FREM3: variants seen among roughly 807,000 people sequenced by gnomAD.
FREM3 encodes the protein FRAS1-related extracellular matrix protein 3.
In FREM3, 105 loss-of-function variants were observed where a neutral mutation model predicts 129.1. The ratio of observed to expected loss-of-function variants is 0.81; its 90% CI spans 0.69 to 0.96. The LOEUF is 0.96. FREM3 is among the 40% of genes least tolerant of loss of function. FREM3 has a pLI of 0.00. For synonymous variants in FREM3, 1,014 were observed against 1,044.9 expected, an observed-to-expected ratio of 0.97 and a Z score of 0.57; for missense variants, 2,593 against 2,666.3, an observed-to-expected ratio of 0.97 and a Z score of 0.61.
At position 143,577,366 on chromosome 4, in the gene FREM3, G is replaced by A. The variant is rs942033122; in HGVS notation, c.*245C>T. The A allele has an allele frequency of 4.4e-5, 22 of 498,928 alleles. No individual in the cohort carries two copies. The highest frequency in any genetic ancestry group is 2.3e-4 in the African/African-American group (12 of 51,528). The allele number at this position is 498,928 out of a possible 1,614,324, so 30.9% of individuals were successfully genotyped here. A position where few individuals can be genotyped will look rare whatever the true frequency, so the allele number is the denominator to read the frequency against. ...ATTTCTTACTTGCCTCAGAAACAAA[G>A]TAAAACAAAATAGAAAAAGAACATG... On this transcript the variant is annotated 3_prime_UTR_variant, in exon 8 of 8. Transcript: ENST00000329798.
intron 7 of FREM3, among the ~76,000 whole-genome samples, chr4:143,584,085 TC>T (rs1738194641): frequency 6.6e-6 from 1 of 152,144 alleles, no homozygotes; most frequent in South Asian, 2.1e-4. Flanking sequence ...GCAATGACAG[TC>T]ATAGGTTCAA....
At chr4:143,629,498 C>T (rs1739100973) in intron 2 of FREM3, among the ~76,000 whole-genome samples, 1 of 152,058 alleles carries the variant, frequency 6.6e-6, no homozygotes, top group Non-Finnish European at 1.5e-5. Context: ...ATTATTGATA[C>T]TATTGTGGAT....
In FREM3 at chr4:143,681,362, A is replaced by T. The variant is rs1477590690; in HGVS notation, c.5275+11751T>A. 2.0e-5 allele frequency among the ~76,000 whole-genome samples: 3 copies of T among 152,090 alleles called. No homozygotes were observed. In the South Asian group the frequency reaches 6.2e-4, roughly 32 times the overall value. On this transcript the variant is annotated intron_variant, in intron 2 of 7. Transcript: ENST00000329798. ...AAGTGGAAGAGACCCATTTAGTGTT[A>T]TATATAGTAGAGATGTGAAAATTTT...
chr4:143,644,766 C>A lies in FREM3; in HGVS notation c.5276-17006G>T, dbSNP rs188569254. 2.9e-3 allele frequency among the ~76,000 whole-genome samples: 443 copies of A among 152,162 alleles called. 9 individuals carry two copies. The highest frequency in any genetic ancestry group is 4.4e-3 in the Non-Finnish European group (299 of 67,994). ...CAAAGAACATATAAACTTTATAGTA[C>A]AAGCTATACAACAAAAATATGACTG... is the stretch of plus-strand genomic sequence containing the variant. On this transcript the variant is annotated intron_variant, in intron 2 of 7. Transcript: ENST00000329798.
intron 7 of FREM3, among the ~76,000 whole-genome samples, chr4:143,584,150 C>T (rs963195127): frequency 6.6e-6 from 1 of 152,192 alleles, no homozygotes; most frequent in Non-Finnish European, 1.5e-5. Flanking sequence ...TGGCTCACGC[C>T]TGTAATCCCA....
intron 2 of FREM3, among the ~76,000 whole-genome samples, chr4:143,643,263 T>C (rs1295028726): frequency 6.6e-6 from 1 of 152,122 alleles, no homozygotes; most frequent in East Asian, 1.9e-4. Flanking sequence ...ATCCCACTGC[T>C]GGGTATATAT....
Position 143,698,700 on chromosome 4 carries a change from T to C in FREM3, c.1976A>G (p.His659Arg), listed in dbSNP as rs1220982701. The C allele has an allele frequency of 1.3e-5, 20 of 1,537,430 alleles. No individual in the cohort carries two copies. In the East Asian group the frequency reaches 4.4e-4, roughly 34 times the overall value. Residue 659 changes from histidine to arginine, a missense_variant, in exon 1 of 8, where the codon CAT (histidine) becomes CGT (arginine). Coordinates refer to ENST00000329798, the MANE Select transcript of FREM3 (RefSeq NM_001168235.2). ...AGATTGAGGGCTGTGTGGTCCAAGA[T>C]GGCGGTAGAAGAGTCTCCCTTCCAT... ...DIMEGRLFYR[H>R]LGPHSPQSVM...
chr4:143,699,873 A>G lies in FREM3; in HGVS notation c.803T>C (p.Met268Thr), dbSNP rs568263666. 1.2e-3 allele frequency: 1,847 copies of G among 1,536,544 alleles called. 4 individuals are homozygous for G. The highest frequency in any genetic ancestry group is 1.5e-3 in the Non-Finnish European group (1,698 of 1,146,862). Reference sequence around the variant, plus strand: ...GCCCTCAGGCCCCAGCAGCTCCACCATCATGGGCACGTAGTCACGGTTGGG... The same window carrying G: ...GCCCTCAGGCCCCAGCAGCTCCACCGTCATGGGCACGTAGTCACGGTTGGG... ...SSPNRDYVPM[M>T]VELLGPEGQD... is the part of the protein sequence containing the mutation. The change falls in exon 1 of 8, where the codon ATG becomes ACG. Residue 268 changes from methionine (M) to threonine (T), a missense_variant. By Grantham distance (81) the Met-to-Thr change is moderately conservative (BLOSUM62 -1). Around this residue, in one of 2 missense-constraint regions of FREM3, gnomAD observed 2,276 missense variants for 2,267.2 expected, o/e 1.00. Coordinates refer to ENST00000329798, the MANE Select transcript of FREM3 (RefSeq NM_001168235.2). This position sits in a 1 kb window ranked among gnomAD's most constrained non-coding sequence, Gnocchi z 4.2.
chr4:143,644,521 C>T lies in FREM3; in HGVS notation c.5276-16761G>A, dbSNP rs190529992. On this transcript the variant is annotated intron_variant, in intron 2 of 7. Transcript: ENST00000329798. ...GATAAAATCTCAAGGTAATGCTTCACTTCCACATCTTTAATTGAACACAGA... is the reference window on the plus strand; with the variant it reads ...GATAAAATCTCAAGGTAATGCTTCATTTCCACATCTTTAATTGAACACAGA... Among the ~76,000 whole-genome samples, 27 of 152,244 alleles carry T rather than the reference C, an allele frequency of 1.8e-4. No individual in the cohort carries two copies. The East Asian group carries it at 5.2e-3, about 29-fold the overall frequency.
At chr4:143,681,226 C>G (rs1740243007) in intron 2 of FREM3, among the ~76,000 whole-genome samples, 1 of 151,876 alleles carries the variant, frequency 6.6e-6, no homozygotes, top group African/African-American at 2.4e-5. Context: ...TTCCTTAAGC[C>G]CATTTTGTCA....
At chr4:143,639,436 TTCCCCA>T (rs1454081513) in intron 2 of FREM3, among the ~76,000 whole-genome samples, 2 of 152,144 alleles carry the variant, frequency 1.3e-5, no homozygotes, top group Admixed American at 1.3e-4. Context: ...AGGGCATCGT[TTCCCCA>T]TCCCTCAGAT....
rs547641433 is a variant in FREM3, at chr4:143,674,124, A to G, written c.5275+18989T>C. On this transcript the variant is annotated intron_variant, in intron 2 of 7. Transcript: ENST00000329798. ...CAGCACCCACTGTCCAACAAGCCCCAGTGAGATGAACCCGGTACCTCAGTT... is the reference window on the plus strand; with the variant it reads ...CAGCACCCACTGTCCAACAAGCCCCGGTGAGATGAACCCGGTACCTCAGTT... Among the ~76,000 whole-genome samples the G allele has an allele frequency of 1.6e-4, 24 of 152,302 alleles. 1 individual carries two copies. The South Asian group carries it at 3.5e-3, about 22-fold the overall frequency.
intron 2 of FREM3, among the ~76,000 whole-genome samples, chr4:143,634,157 T>G (rs1739193522): frequency 2.0e-5 from 3 of 152,074 alleles, no homozygotes; most frequent in African/African-American, 7.2e-5. Context: ...TTTGATGTGA[T>G]GATAAGAAGC....
intron 2 of FREM3, among the ~76,000 whole-genome samples, chr4:143,663,975 C>T (rs1010132026): frequency 6.6e-6 from 1 of 152,076 alleles, no homozygotes; most frequent in African/African-American, 2.4e-5. Context: ...TTATTCTAGT[C>T]ATACATTCAT....
At position 143,627,704 on chromosome 4, in the gene FREM3, C is replaced by T; in HGVS notation, c.5332G>A (p.Glu1778Lys). The T allele has an allele frequency of 1.3e-6, 2 of 1,534,360 alleles. No homozygotes were observed. Among genetic ancestry groups the T allele is most frequent in the Non-Finnish European group, 1.7e-6 (2 of 1,144,380 alleles). ...TCATCCACAATGTAGTACTCTTTCT[C>T]CAAACAAATCCAAGCCCAGTTTAGA... ...FHLNWAWICL[E>K]KEYYIVDEDS... Residue 1778 changes from glutamate to lysine, a missense_variant, in exon 3 of 8, where the codon GAG (glutamate) becomes AAG (lysine). By Grantham distance (56) the Glu-to-Lys change is moderately conservative (BLOSUM62 1). Coordinates refer to ENST00000329798, the MANE Select transcript of FREM3 (RefSeq NM_001168235.2).
Position 143,698,498 on chromosome 4 carries a change from A to G in FREM3, c.2178T>C (p.Asn726=), listed in dbSNP as rs762085886. The change falls in exon 1 of 8, where the codon AAT becomes AAC. Residue 726 remains asparagine (N), a synonymous_variant. Transcript: ENST00000329798. Reference sequence around the variant, plus strand: ...AGTCCTGGTCAATGTATCGGAGGAAATTCTTCTGGAAGTGAGTGAGTTGGT... The same window carrying G: ...AGTCCTGGTCAATGTATCGGAGGAAGTTCTTCTGGAAGTGAGTGAGTTGGT... ...QEYQLTHFQK[N]FLRYIDQDSD... is the part of the protein sequence containing the mutation. The G allele has an allele frequency of 4.8e-5, 74 of 1,537,592 alleles. No homozygotes were observed. In the Admixed American group the frequency reaches 8.2e-4, roughly 17 times the overall value.
chr4:143,595,669 C>T (rs1578827229), intron 6 of FREM3, among the ~76,000 whole-genome samples: 1 of 152,048 alleles, frequency 6.6e-6, no homozygotes, highest in East Asian at 1.9e-4. Flanking sequence ...GGGCGGATCA[C>T]GAGGTCTGCA....
In FREM3 at chr4:143,698,382, G is replaced by A; in HGVS notation, c.2294C>T (p.Thr765Ile). The A allele has an allele frequency of 2.0e-6, 3 of 1,537,962 alleles. No individual in the cohort carries two copies. Among genetic ancestry groups the A allele is most frequent in the Non-Finnish European group, 2.6e-6 (3 of 1,147,076 alleles). Residue 765 changes from threonine (T) to isoleucine (I), a missense_variant, in exon 1 of 8, where the codon ACT (threonine) becomes ATT (isoleucine). Transcript: ENST00000329798. ...CATGATGAGTGTGTCTGGTGAATCA[G>A]TGAGCACAATTTCTCCAGCCCGGAC... ...HQVRAGEIVL[T>I]DSPDTLIMHF... is the part of the protein sequence containing the mutation.
chr4:143,592,061 A>G (rs1336218211), intron 6 of FREM3, among the ~76,000 whole-genome samples: 1 of 151,994 alleles, frequency 6.6e-6, no homozygotes, highest in African/African-American at 2.4e-5. Flanking sequence ...TAGGATTGCA[A>G]CCCCTGCCTT....
Sources: allele counts gnomAD v4.1 joint callset (sites outside exome capture counted in the v4.1 genomes callset), GRCh38; gene constraint gnomAD v4.1.1; regional missense constraint gnomAD v4.1.1; non-coding constraint Gnocchi (gnomAD v3.1); transcripts MANE v1.5; gene names NCBI Gene and HGNC (gene_info 2026-07-23, HGNC 2026-07-21).